ADGRL2: variants seen among roughly 807,000 people sequenced by gnomAD.
The protein encoded by ADGRL2 is calcium-independent alpha-latrotoxin receptor 2.
ADGRL2 carries 44 observed loss-of-function variants against 157.4 expected under a neutral mutation model. The observed-to-expected ratio is 0.28, with a 90% CI of 0.22 to 0.36. ADGRL2 has a LOEUF of 0.36. Among genes scored for constraint, ADGRL2 ranks in the 10% least tolerant of loss-of-function variants. ADGRL2 has a pLI of 1.00. For synonymous variants in ADGRL2, 585 were observed against 624.7 expected, an observed-to-expected ratio of 0.94 and a Z score of 0.95; for missense variants, 1,510 against 1,768.9, an observed-to-expected ratio of 0.85 and a Z score of 2.63.
intron 8 of ADGRL2, among the ~76,000 whole-genome samples, chr1:81,951,668 C>T (rs1191960472): frequency 6.6e-6 from 1 of 151,838 alleles, no homozygotes; most frequent in African/African-American, 2.4e-5. Context: ...TTTAAAATAA[C>T]AATTTTAAAT....
At chr1:81,598,534 TA>T (rs1229678224) in intron 3 of ADGRL2, among the ~76,000 whole-genome samples, 30 of 152,268 alleles carry the variant, frequency 2.0e-4, no homozygotes, top group Admixed American at 9.8e-4. Flanking sequence ...GCAAACATGC[TA>T]ATACTCTGCC....
chr1:81,353,008 T>G (rs935972981), intron 1 of ADGRL2, among the ~76,000 whole-genome samples: 2 of 152,266 alleles, frequency 1.3e-5, no homozygotes, highest in African/African-American at 2.4e-5. Flanking sequence ...GAAAAAGCGT[T>G]GGAGGTAATA....
intron 2 of ADGRL2, among the ~76,000 whole-genome samples, chr1:81,846,079 C>A (rs1252256327): frequency 6.6e-6 from 1 of 151,902 alleles, no homozygotes; most frequent in African/African-American, 2.4e-5. Flanking sequence ...TCTTTGATCA[C>A]TTAATTTAAA....
At chr1:81,617,962 T>C (rs1326301174) in intron 3 of ADGRL2, among the ~76,000 whole-genome samples, 1 of 152,190 alleles carries the variant, frequency 6.6e-6, no homozygotes, top group Admixed American at 6.5e-5. Flanking sequence ...TAACCTTAGA[T>C]GGCTATAGAC....
chr1:81,450,010 C>CCA (rs562508677), intron 2 of ADGRL2, among the ~76,000 whole-genome samples: 65 of 152,276 alleles, frequency 4.3e-4, no homozygotes, highest in African/African-American at 1.5e-3. Context: ...ATTCCACCAC[C>CCA]GATGAGTCAG....
In ADGRL2 at chr1:81,990,270, A is replaced by G; in HGVS notation, c.3656-121A>G. ...ATGCAGGAAAGCCTGGCACTTTTCA[A>G]GTGTTAGCTTTCAAATACAACTTTG... On this transcript the variant is annotated intron_variant, in intron 23 of 23. Coordinates refer to ENST00000686636, the MANE Select transcript of ADGRL2 (RefSeq NM_001366006.2). 2.0e-6 allele frequency: 3 copies of G among 1,502,568 alleles called. No homozygotes were observed. In the Admixed American group the frequency reaches 6.7e-5, roughly 34 times the overall value. 93.1% of individuals were successfully genotyped at this position (1,502,568 alleles called of 1,614,324 possible). A position where few individuals can be genotyped will look rare whatever the true frequency, so the allele number is the denominator to read the frequency against.
At chr1:81,915,640 ATTTT>A (rs2094838562) in intron 3 of ADGRL2, among the ~76,000 whole-genome samples, 2 of 152,144 alleles carry the variant, frequency 1.3e-5, no homozygotes, top group Non-Finnish European at 2.9e-5. Context: ...TTTGAATTTT[ATTTT>A]ATTTTTGAAC....
chr1:81,734,717 A>T (rs2084838832), intron 1 of ADGRL2, among the ~76,000 whole-genome samples: 1 of 148,870 alleles, frequency 6.7e-6, no homozygotes, highest in Non-Finnish European at 1.5e-5. Flanking sequence ...TCCTCTAATC[A>T]ATGAAGAAAC....
intron 2 of ADGRL2, among the ~76,000 whole-genome samples, chr1:81,558,223 G>A (rs1048607402): frequency 1.5e-4 from 23 of 152,094 alleles, no homozygotes; most frequent in Non-Finnish European, 2.4e-4. Flanking sequence ...TTCTGGAAGC[G>A]TTTACAATAA....
chr1:81,336,290 G>A (rs1015369975), intron 1 of ADGRL2, among the ~76,000 whole-genome samples: 5 of 152,136 alleles, frequency 3.3e-5, no homozygotes, highest in South Asian at 2.1e-4. Flanking sequence ...GTATGAATGC[G>A]ACTGATTGTG....
At chr1:81,483,969 G>A (rs1442386358) in intron 2 of ADGRL2, among the ~76,000 whole-genome samples, 1 of 151,892 alleles carries the variant, frequency 6.6e-6, no homozygotes, top group Non-Finnish European at 1.5e-5. Context: ...TTGTGGCTAT[G>A]TTTGATCATT....
intron 2 of ADGRL2, among the ~76,000 whole-genome samples, chr1:81,901,485 T>C (rs977552579): frequency 3.3e-5 from 5 of 152,050 alleles, no homozygotes; most frequent in Non-Finnish European, 4.4e-5. Context: ...AGCTTCAAGA[T>C]TTGTCTTTAT....
At chr1:81,591,366 TA>T (rs1447906880) in intron 3 of ADGRL2, among the ~76,000 whole-genome samples, 1 of 152,154 alleles carries the variant, frequency 6.6e-6, no homozygotes, top group East Asian at 1.9e-4. Context: ...GCTGAGAATT[TA>T]GCCTCCTTTA....
Position 81,317,310 on chromosome 1 carries a change from C to T in ADGRL2, c.-302+10801C>T, listed in dbSNP as rs138241840. ...AACTCTGTTGTATCTCTCTCCCCAA[C>T]CCTCAACCCCACATAATCCCATACT... On this transcript the variant is annotated intron_variant, in intron 1 of 24. Coordinates refer to the ADGRL2 transcript ENST00000370721. Among the ~76,000 whole-genome samples the T allele has an allele frequency of 1.8e-3, 267 of 152,278 alleles. 1 individual carries two copies. The highest frequency in any genetic ancestry group is 6.2e-3 in the African/African-American group (257 of 41,564).
In ADGRL2 at chr1:81,381,708, G is replaced by A. The variant is rs372127153; in HGVS notation, c.-301-63328G>A. Among the ~76,000 whole-genome samples the A allele has an allele frequency of 5.1e-4, 78 of 151,984 alleles. No homozygotes were observed. In the South Asian group the frequency reaches 7.7e-3, roughly 15 times the overall value. ...TTATGTTCTTCTAATACATTGATTCGCCATTTTTGATGAATAGATTTTATA... is the reference window on the plus strand; with the variant it reads ...TTATGTTCTTCTAATACATTGATTCACCATTTTTGATGAATAGATTTTATA... On this transcript the variant is annotated intron_variant, in intron 1 of 24. Coordinates refer to the ADGRL2 transcript ENST00000370721.
At chr1:81,669,026 T>G (rs1354202245) in intron 3 of ADGRL2, among the ~76,000 whole-genome samples, 1 of 152,186 alleles carries the variant, frequency 6.6e-6, no homozygotes, top group East Asian at 1.9e-4. Flanking sequence ...GTCTTCTTGC[T>G]CTAAGACTGT....
intron 1 of ADGRL2, among the ~76,000 whole-genome samples, chr1:81,755,406 G>A (rs1242049289): frequency 6.6e-6 from 1 of 151,622 alleles, no homozygotes; most frequent in Non-Finnish European, 1.5e-5. Context: ...ACATATAAGG[G>A]CATAATTATA....
At position 81,319,828 on chromosome 1, in the gene ADGRL2, C is replaced by T. The variant is rs376235987; in HGVS notation, c.-302+13319C>T. Among the ~76,000 whole-genome samples, 27 of 152,244 alleles carry T rather than the reference C, an allele frequency of 1.8e-4. No individual in the cohort carries two copies. In the East Asian group the frequency reaches 2.7e-3, roughly 15 times the overall value. ...TTTTTGCTGGTGCAGGGTCTTGCCTCGATGTTGGTGGCTGCTGACTTATCA... is the reference window on the plus strand; with the variant it reads ...TTTTTGCTGGTGCAGGGTCTTGCCTTGATGTTGGTGGCTGCTGACTTATCA... On this transcript the variant is annotated intron_variant, in intron 1 of 24. Coordinates refer to the ADGRL2 transcript ENST00000370721.
chr1:81,874,528 T>C (rs760747579), intron 2 of ADGRL2, among the ~76,000 whole-genome samples: 3 of 152,056 alleles, frequency 2.0e-5, no homozygotes, highest in Non-Finnish European at 4.4e-5. Flanking sequence ...AGTGTATCCT[T>C]GAGTTTTTCT....
Sources: gnomAD v4.1 joint callset for allele counts (sites outside exome capture counted in the v4.1 genomes callset) on GRCh38, gnomAD v4.1.1 for gene constraint, MANE v1.5 for transcripts, NCBI Gene and HGNC (gene_info 2026-07-23, HGNC 2026-07-21) for gene names.